The following SNTN variants were observed in gnomAD, a reference collection of about 807,000 sequenced individuals.
SNTN encodes sentan, cilia apical structure protein, also known as sentan.
Under a neutral mutation model 12.3 loss-of-function variants are expected in SNTN, and 13 were observed. The ratio of observed to expected loss-of-function variants is 1.05; its 90% CI spans 0.69 to 1.67. SNTN has a LOEUF of 1.67. SNTN is among the 40% of genes most tolerant of loss of function. SNTN has a pLI of 0.00. For missense variants in SNTN, 189 were observed against 169.8 expected, an observed-to-expected ratio of 1.11 and a Z score of -0.63; for synonymous variants, 69 against 58.5, an observed-to-expected ratio of 1.18 and a Z score of -0.82.
rs1358172426 is a variant in SNTN, at chr3:63,654,697, C to T, written c.111-65C>T. On this transcript the variant is annotated intron_variant, in intron 1 of 3. Transcript: ENST00000343837. ...ATTTTTAAATCATTATATTGCTCTG[C>T]TATAGATGCTGATATCAATACCCCA... 5 of 1,382,708 alleles carry T rather than the reference C, an allele frequency of 3.6e-6. No individual in the cohort carries two copies. The East Asian group carries it at 6.9e-5, about 19-fold the overall frequency. 85.7% of individuals were successfully genotyped at this position (1,382,708 alleles called of 1,614,324 possible). A position where few individuals can be genotyped will look rare whatever the true frequency, so the allele number is the denominator to read the frequency against.
intron 3 of SNTN, among the ~76,000 whole-genome samples, chr3:63,662,097 A>G (rs1205680956): frequency 6.6e-6 from 1 of 152,206 alleles, no homozygotes; most frequent in East Asian, 1.9e-4. Context: ...AGATGAAAGC[A>G]GAGCCATATT....
chr3:63,657,387 T>A (rs1326442823), intron 2 of SNTN, among the ~76,000 whole-genome samples: 2 of 152,136 alleles, frequency 1.3e-5, no homozygotes, highest in Non-Finnish European at 2.9e-5. Flanking sequence ...CAATATGCTT[T>A]CACATACTAG....
At chr3:63,661,603 C>T (rs2106943695) in intron 3 of SNTN, among the ~76,000 whole-genome samples, 1 of 151,276 alleles carries the variant, frequency 6.6e-6, no homozygotes, top group Non-Finnish European at 1.5e-5. Context: ...AGTCACAGTC[C>T]TTTTTTTAAA....
intron 2 of SNTN, among the ~76,000 whole-genome samples, chr3:63,656,497 A>C (rs1480215572): frequency 6.6e-6 from 1 of 152,176 alleles, no homozygotes; most frequent in Non-Finnish European, 1.5e-5. Context: ...AAAAAATGTA[A>C]AATATCCCAA....
intron 2 of SNTN, among the ~76,000 whole-genome samples, chr3:63,657,271 C>T (rs1273758743): frequency 3.3e-5 from 5 of 152,160 alleles, no homozygotes; most frequent in Non-Finnish European, 7.4e-5. Flanking sequence ...ATCGGCCTGG[C>T]TTAATGTCTT....
chr3:63,654,933 A>G (rs1700660630), intron 2 of SNTN, 137 bp downstream of exon 2: 2 of 767,094 alleles, frequency 2.6e-6, no homozygotes, highest in East Asian at 5.2e-5. Context: ...AATATTCATG[A>G]TGTTCTTTTT....
Position 63,654,750 on chromosome 3 carries a change from T to C in SNTN, c.111-12T>C. ...TCCCAGAATCATTCTGTTTCTTTCA[T>C]TTTGTTGGCAGGATTTCAATATCCA... On this transcript the variant is annotated splice_polypyrimidine_tract_variant and intron_variant, in intron 1 of 3. Coordinates refer to ENST00000343837, the MANE Select transcript of SNTN (RefSeq NM_001080537.2). The C allele has an allele frequency of 6.2e-7, 1 of 1,612,754 alleles. No homozygotes were observed. Among genetic ancestry groups the C allele is most frequent in the Non-Finnish European group, 8.5e-7 (1 of 1,179,110 alleles).
At chr3:63,663,348 G>A (rs1230283438) in intron 3 of SNTN, among the ~76,000 whole-genome samples, 2 of 152,124 alleles carry the variant, frequency 1.3e-5, no homozygotes, top group East Asian at 3.9e-4. Context: ...GATGATTAGA[G>A]GAGATAACAC....
chr3:63,663,633 G>A, intron 3 of SNTN: 1 of 364,212 alleles, frequency 2.7e-6, no homozygotes, highest in South Asian at 3.0e-5. Flanking sequence ...TTGTTTAAAA[G>A]AGCCTGGAAC....
At chr3:63,660,288 G>A (rs1700729819) in intron 3 of SNTN, among the ~76,000 whole-genome samples, 1 of 152,108 alleles carries the variant, frequency 6.6e-6, no homozygotes, top group Non-Finnish European at 1.5e-5. Context: ...GAAGGGATGG[G>A]ACGGTAGCTG....
At chr3:63,661,375 C>A (rs1465219189) in intron 3 of SNTN, among the ~76,000 whole-genome samples, 1 of 152,156 alleles carries the variant, frequency 6.6e-6, no homozygotes, top group Non-Finnish European at 1.5e-5. Flanking sequence ...TCTATATATG[C>A]ACACATACAC....
At chr3:63,655,837 C>G (rs191091760) in intron 2 of SNTN, among the ~76,000 whole-genome samples, 1 of 152,324 alleles carries the variant, frequency 6.6e-6, no homozygotes, top group East Asian at 1.9e-4. Flanking sequence ...ACATAGAAGT[C>G]AATACAAACC....
Position 63,659,871 on chromosome 3 carries a change from G to A in SNTN, c.285+7G>A. 1.2e-6 allele frequency: 2 copies of A among 1,613,714 alleles called. No homozygotes were observed. The highest frequency in any genetic ancestry group is 1.7e-6 in the Non-Finnish European group (2 of 1,179,804). On this transcript the variant is annotated splice_region_variant and intron_variant, in intron 3 of 3. Coordinates refer to ENST00000343837, the MANE Select transcript of SNTN (RefSeq NM_001080537.2). The stretch of plus-strand genomic sequence containing the variant: ...ATTTAGGAATTTCGCAGAGGTGAGA[G>A]AATTAACTTGCATAAAGAAACAGAA...
At chr3:63,659,698 C>A (rs779467115) in intron 2 of SNTN, 27 bp from the exon 3 acceptor site, 1 of 1,613,058 alleles carries the variant, frequency 6.2e-7, no homozygotes. Flanking sequence ...ACTCAGGATA[C>A]TTTATTCCAC....
At chr3:63,656,416 T>C (rs1700680042) in intron 2 of SNTN, among the ~76,000 whole-genome samples, 1 of 152,218 alleles carries the variant, frequency 6.6e-6, no homozygotes, top group Admixed American at 6.5e-5. Flanking sequence ...CAGCTTCATG[T>C]AGATACTGAG....
chr3:63,663,667 C>A lies in SNTN; in HGVS notation c.286-270C>A, dbSNP rs752975860. 1.6e-5 allele frequency: 8 copies of A among 514,362 alleles called. No individual in the cohort carries two copies. In the East Asian group the frequency reaches 2.0e-4, roughly 13 times the overall value. The allele number at this position is 514,362 out of a possible 1,614,324, so 31.9% of individuals were successfully genotyped here. ...ACCCTCCCTCCTCCTCTTGCCCCCT[C>A]TCTTGCTGTGTGATCTGTTCATACA... On this transcript the variant is annotated intron_variant, in intron 3 of 3. Transcript: ENST00000343837.
rs761263153 is a variant in SNTN, at chr3:63,664,134, C to T, written c.*39C>T. ...TGCTGTATAAAATAATGGCAAAAGACAGTGTTATTAAAATGTTTCCATCTT... is the reference window on the plus strand; with the variant it reads ...TGCTGTATAAAATAATGGCAAAAGATAGTGTTATTAAAATGTTTCCATCTT... On this transcript the variant is annotated 3_prime_UTR_variant, in exon 4 of 4. Coordinates refer to ENST00000343837, the MANE Select transcript of SNTN (RefSeq NM_001080537.2). 11 of 1,507,492 alleles carry T rather than the reference C, an allele frequency of 7.3e-6. No homozygotes were observed. Among genetic ancestry groups the T allele is most frequent in the Non-Finnish European group, 9.0e-7 (1 of 1,116,802 alleles). 93.4% of individuals were successfully genotyped at this position (1,507,492 alleles called of 1,614,324 possible).
In SNTN at chr3:63,659,754, G is replaced by T. The variant is rs1032147386; in HGVS notation, c.175G>T (p.Ala59Ser). 6.2e-7 allele frequency: 1 copy of T among 1,613,928 alleles called. No individual in the cohort carries two copies. Among genetic ancestry groups the T allele is most frequent in the Non-Finnish European group, 8.5e-7 (1 of 1,179,890 alleles). Residue 59 changes from alanine (A) to serine (S), a missense_variant, in exon 3 of 4, where the codon GCT becomes TCT. Coordinates refer to ENST00000343837, the MANE Select transcript of SNTN (RefSeq NM_001080537.2). The stretch of plus-strand genomic sequence containing the variant: ...GAGGAAGTGCTCAGATCTGGAAAAA[G>T]CTATTGCCACCACTGCTCTGATTTT... ...ALRKCSDLEK[A>S]IATTALIFRN...
chr3:63,660,844 A>T (rs993911285), intron 3 of SNTN, among the ~76,000 whole-genome samples: 18 of 152,134 alleles, frequency 1.2e-4, no homozygotes, highest in African/African-American at 4.1e-4. Flanking sequence ...GAGAATAGAG[A>T]TCTGTGTTCA....
Sources: gnomAD v4.1 joint callset for allele counts (sites outside exome capture counted in the v4.1 genomes callset) on GRCh38, gnomAD v4.1.1 for gene constraint, MANE v1.5 for transcripts, NCBI Gene and HGNC (gene_info 2026-07-23, HGNC 2026-07-21) for gene names.